Variants in EVI5L observed in about 807,000 individuals in gnomAD.
EVI5L encodes the protein ecotropic viral integration site 5 like, also known as EVI5-like protein.
Under a neutral mutation model 106.1 loss-of-function variants are expected in EVI5L, and 30 were observed. The observed-to-expected ratio is 0.28, with a 90% CI of 0.21 to 0.38. The LOEUF (loss-of-function observed/expected upper bound fraction) is 0.38. Among genes scored for constraint, EVI5L ranks in the 10% least tolerant of loss-of-function variants. EVI5L has a pLI of 1.00. For synonymous variants in EVI5L, 489 were observed against 483.3 expected (o/e 1.01, Z -0.15); for missense variants, 809 against 1,098.0 (o/e 0.74, Z 3.72).
chr19:7,858,113 C>G lies in EVI5L; in HGVS notation c.1234-78C>G, dbSNP rs1392678398. On this transcript the variant is annotated intron_variant, in intron 12 of 19. Transcript: ENST00000538904. This position sits in a 1 kb window ranked among gnomAD's most constrained non-coding sequence, Gnocchi z 5.7. ...CCCACCTCCACTCTCTGGGCCTCCC[C>G]CTGTGGCGGGAGGCAGGGCCTTGGG... The G allele has an allele frequency of 1.3e-6, 2 of 1,500,278 alleles. No homozygotes were observed. The highest frequency in any genetic ancestry group is 1.8e-6 in the Non-Finnish European group (2 of 1,116,484). 92.9% of individuals were successfully genotyped at this position (1,500,278 alleles called of 1,614,324 possible).
At chr19:7,849,604 C>T (rs1439938682) in intron 5 of EVI5L, among the ~76,000 whole-genome samples, 3 of 152,194 alleles carry the variant, frequency 2.0e-5, no homozygotes, top group African/African-American at 4.8e-5. Context: ...CAGGGTTGGA[C>T]AGGAACCTCA....
rs1173585149 is a variant in EVI5L at position 7,862,539 on chromosome 19, A to G, written c.1947+5A>G. On this transcript the variant is annotated splice_donor_5th_base_variant and intron_variant, in intron 17 of 19. Transcript: ENST00000538904. ...CAGGCCGAGGCCGAGTGCAAGGTGC[A>G]GACCCCCGCGGCCCCGCCCTGCCCG... 1.9e-5 allele frequency: 28 copies of G among 1,463,794 alleles called. No homozygotes were observed. Among genetic ancestry groups the G allele is most frequent in the East Asian group, 1.6e-4 (6 of 36,856 alleles). The allele number at this position is 1,463,794 out of a possible 1,614,324, so 90.7% of individuals were successfully genotyped here. A position where few individuals can be genotyped will look rare whatever the true frequency, so the allele number is the denominator to read the frequency against.
chr19:7,858,811 C>G lies in EVI5L; in HGVS notation c.1374+480C>G. The G allele has an allele frequency of 6.4e-6, 1 of 156,142 alleles. No individual in the cohort carries two copies. The highest frequency in any genetic ancestry group is 6.4e-5 in the Admixed American group (1 of 15,706). 9.7% of individuals were successfully genotyped at this position (156,142 alleles called of 1,614,324 possible). A position where few individuals can be genotyped will look rare whatever the true frequency, so the allele number is the denominator to read the frequency against. ...GGGGCTGAGGGGGCACCTTGAGTGT[C>G]TTGAGGGCCATGAACTTTGGGTCCC... On this transcript the variant is annotated intron_variant, in intron 13 of 19. Coordinates refer to ENST00000538904, the MANE Select transcript of EVI5L (RefSeq NM_001159944.3). The surrounding 1 kb of genome is among the most constrained non-coding windows in gnomAD (Gnocchi z 5.7).
chr19:7,844,796 A>G (rs2146421209), intron 1 of EVI5L, among the ~76,000 whole-genome samples: 1 of 152,318 alleles, frequency 6.6e-6, no homozygotes, highest in East Asian at 1.9e-4. Context: ...TTGAGGGCCC[A>G]AGGTAGAACC....
intron 5 of EVI5L, 132 bp from the exon 6 acceptor site, chr19:7,849,865 T>G: frequency 1.4e-6 from 1 of 705,224 alleles, no homozygotes; most frequent in Non-Finnish European, 2.4e-6. Context: ...GGACCAACAG[T>G]GTGTCATGAG....
chr19:7,862,285 CG>C lies in EVI5L; in HGVS notation c.1800+14del, dbSNP rs748901742. On this transcript the variant is annotated intron_variant, in intron 16 of 19. Coordinates refer to ENST00000538904, the MANE Select transcript of EVI5L (RefSeq NM_001159944.3). ...GTGGAACTTGAGACGCAGGTGGACT[CG>C]GGGGGCCTGCTCGTTGGGGAAGGGG... is the stretch of plus-strand genomic sequence containing the variant. 3.2e-6 allele frequency: 5 copies of C among 1,582,092 alleles called. No individual in the cohort carries two copies. Among genetic ancestry groups the C allele is most frequent in the South Asian group, 1.1e-5 (1 of 87,344 alleles).
intron 3 of EVI5L, 75 bp downstream of exon 3, chr19:7,847,996 C>T (rs908916755): frequency 2.1e-5 from 31 of 1,459,926 alleles, no homozygotes; most frequent in African/African-American, 2.9e-5. Context: ...CACCAGGCAG[C>T]GCCAGGGTCT....
intron 1 of EVI5L, among the ~76,000 whole-genome samples, chr19:7,842,343 ATG>A (rs1253950240): frequency 5.7e-4 from 52 of 91,100 alleles, no homozygotes; most frequent in African/African-American, 1.8e-3. Context: ...AAGTGTGTGC[ATG>A]TGTGTGTGAA....
chr19:7,842,556 G>A (rs1978675652), intron 1 of EVI5L, among the ~76,000 whole-genome samples: 1 of 147,880 alleles, frequency 6.8e-6, no homozygotes. Context: ...GTGTGTGTAT[G>A]TGTGTGAATT....
In EVI5L at chr19:7,837,739, T is replaced by C. The variant is rs150595018; in HGVS notation, c.-48+7358T>C. ...TTTTGAGATGGAGTTTCGCTCTTGTTGCCCAGGGTGGAGTGCAATTGTGGT... is the reference window on the plus strand; with the variant it reads ...TTTTGAGATGGAGTTTCGCTCTTGTCGCCCAGGGTGGAGTGCAATTGTGGT... On this transcript the variant is annotated intron_variant, in intron 1 of 19. Transcript: ENST00000538904. 2.7e-4 allele frequency among the ~76,000 whole-genome samples: 41 copies of C among 152,278 alleles called. No homozygotes were observed. The East Asian group carries it at 7.1e-3, about 27-fold the overall frequency.
Position 7,845,839 on chromosome 19 carries a change from G to A in EVI5L, c.-47-657G>A, listed in dbSNP as rs892987836. 4.6e-5 allele frequency among the ~76,000 whole-genome samples: 7 copies of A among 152,178 alleles called. No homozygotes were observed. Among genetic ancestry groups the A allele is most frequent in the African/African-American group, 7.2e-5 (3 of 41,444 alleles). On this transcript the variant is annotated intron_variant, in intron 1 of 19. Transcript: ENST00000538904. This position sits in a 1 kb window ranked among gnomAD's most constrained non-coding sequence, Gnocchi z 4.0. ...GCAGGCCAAGATCTGGATACGGATCGGAGCCCACAGCTCTGGCTCTGTGTC... is the reference window on the plus strand; with the variant it reads ...GCAGGCCAAGATCTGGATACGGATCAGAGCCCACAGCTCTGGCTCTGTGTC...
At chr19:7,862,869 G>A in intron 17 of EVI5L, 103 bp from the exon 18 acceptor site, 1 of 551,888 alleles carries the variant, frequency 1.8e-6, no homozygotes, top group Admixed American at 4.2e-5. Flanking sequence ...ACCCGCCTCC[G>A]CCCGCGGCCC....
At chr19:7,836,058 G>C (rs545111482) in intron 1 of EVI5L, among the ~76,000 whole-genome samples, 5 of 152,188 alleles carry the variant, frequency 3.3e-5, no homozygotes, top group African/African-American at 1.2e-4. Flanking sequence ...CCAACATGGC[G>C]ATACCCTGTC....
rs1233785903 is a variant in EVI5L at position 7,856,414 on chromosome 19, A to G, written c.1200+346A>G. On this transcript the variant is annotated intron_variant, in intron 11 of 19. Coordinates refer to ENST00000538904, the MANE Select transcript of EVI5L (RefSeq NM_001159944.3). The surrounding 1 kb of genome is among the most constrained non-coding windows in gnomAD (Gnocchi z 6.6). ...GATGGACGAGCCCCGTAATTGGGCCACAAGCCACCCCACCCTGTAATTTGG... is the reference window on the plus strand; with the variant it reads ...GATGGACGAGCCCCGTAATTGGGCCGCAAGCCACCCCACCCTGTAATTTGG... Among the ~76,000 whole-genome samples, 1 of 152,054 alleles carries G rather than the reference A, an allele frequency of 6.6e-6. No individual in the cohort carries two copies. Among genetic ancestry groups the G allele is most frequent in the African/African-American group, 2.4e-5 (1 of 41,394 alleles).
chr19:7,862,112 CA>C lies in EVI5L; in HGVS notation c.1645-9del. On this transcript the variant is annotated splice_polypyrimidine_tract_variant and intron_variant, in intron 15 of 19. Transcript: ENST00000538904. The stretch of plus-strand genomic sequence containing the variant: ...AGGCTGACCGCCGGCTTCTCGGCTT[CA>C]CCCCCCAGGCCCATCTGGCCCGCGG... The C allele has an allele frequency of 6.4e-7, 1 of 1,561,382 alleles. No individual in the cohort carries two copies. The highest frequency in any genetic ancestry group is 1.2e-5 in the South Asian group (1 of 85,296).
In EVI5L at chr19:7,851,532, C is replaced by T. The variant is rs767843521; in HGVS notation, c.852C>T (p.Phe284=). The T allele has an allele frequency of 2.5e-6, 4 of 1,613,200 alleles. No individual in the cohort carries two copies. The highest frequency in any genetic ancestry group is 2.5e-6 in the Non-Finnish European group (3 of 1,179,628). ...SWFLTLFLTT[F]PLPVATRVFD... ...TCCTCACACTGTTCCTGACCACCTT[C>T]CCACTCCCCGTCGCCACCCGGGTCT... Residue 284 remains phenylalanine, a synonymous_variant, in exon 7 of 20, where the codon TTC becomes TTT. Transcript: ENST00000538904.
intron 1 of EVI5L, among the ~76,000 whole-genome samples, chr19:7,836,779 C>T (rs1381940430): frequency 6.6e-6 from 1 of 151,852 alleles, no homozygotes; most frequent in African/African-American, 2.4e-5. Context: ...CGCCACTACA[C>T]CTAGCTAATT....
Position 7,864,079 on chromosome 19 carries a change from T to A in EVI5L, c.*377T>A. ...TCCCACCTCCTGGCAGGCTTCCTTC[T>A]GGGACAGGGGCGACATTGCTGGGAA... On this transcript the variant is annotated 3_prime_UTR_variant, in exon 20 of 20. Coordinates refer to ENST00000538904, the MANE Select transcript of EVI5L (RefSeq NM_001159944.3). The surrounding 1 kb of genome is among the most constrained non-coding windows in gnomAD (Gnocchi z 4.5). The A allele has an allele frequency of 4.4e-6, 1 of 226,302 alleles. No homozygotes were observed. The highest frequency in any genetic ancestry group is 8.6e-6 in the Non-Finnish European group (1 of 116,722). The allele number at this position is 226,302 out of a possible 1,614,324, so 14.0% of individuals were successfully genotyped here. A position where few individuals can be genotyped will look rare whatever the true frequency, so the allele number is the denominator to read the frequency against.
intron 10 of EVI5L, among the ~76,000 whole-genome samples, chr19:7,855,351 C>G (rs1028273141): frequency 6.6e-6 from 1 of 152,152 alleles, no homozygotes; most frequent in East Asian, 1.9e-4. Flanking sequence ...CTCGGCCTCC[C>G]AAAGTGCTGG....
Sources: allele counts gnomAD v4.1 joint callset (sites outside exome capture counted in the v4.1 genomes callset), GRCh38; gene constraint gnomAD v4.1.1; non-coding constraint Gnocchi (gnomAD v3.1); transcripts MANE v1.5; gene names NCBI Gene and HGNC (gene_info 2026-07-23, HGNC 2026-07-21).